The following SPATA6 variants were observed in gnomAD, a reference collection of about 807,000 sequenced individuals.
SPATA6 encodes spermatogenesis associated 6, also known as spermatogenesis-associated protein 6.
A neutral mutation model predicts 65.3 loss-of-function variants in SPATA6; 56 were observed. The ratio of observed to expected loss-of-function variants is 0.86; its 90% CI spans 0.69 to 1.07. SPATA6 has a LOEUF of 1.07. SPATA6 is among the 50% of genes least tolerant of loss of function. The pLI is 0.00. For synonymous variants in SPATA6, 199 were observed against 213.2 expected (o/e 0.93, Z 0.58); for missense variants, 590 against 594.8 (o/e 0.99, Z 0.08).
chr1:48,417,302 A>T (rs1652865808), intron 3 of SPATA6, among the ~76,000 whole-genome samples: 1 of 152,242 alleles, frequency 6.6e-6, no homozygotes, highest in Non-Finnish European at 1.5e-5. Context: ...AGCAACAATT[A>T]GAAACAATGT....
chr1:48,394,746 CTTG>C (rs1650421194), intron 8 of SPATA6, among the ~76,000 whole-genome samples: 1 of 151,868 alleles, frequency 6.6e-6, no homozygotes. Flanking sequence ...CTAGGGAATA[CTTG>C]TTGAACTCAC....
chr1:48,416,185 C>A (rs111565541), intron 3 of SPATA6, among the ~76,000 whole-genome samples: 1 of 151,946 alleles, frequency 6.6e-6, no homozygotes, highest in Non-Finnish European at 1.5e-5. Context: ...CTGGGTGAAG[C>A]AGCGAGACTC....
downstream of SPATA6, among the ~76,000 whole-genome samples, chr1:48,293,359 TTTG>T (rs1040789749): frequency 6.6e-4 from 101 of 152,252 alleles, no homozygotes; most frequent in African/African-American, 2.2e-3. Flanking sequence ...TATTCTTGTT[TTTG>T]TTGTTGTTGT....
chr1:48,304,019 G>T (rs907550432), intron 12 of SPATA6, among the ~76,000 whole-genome samples: 5 of 152,276 alleles, frequency 3.3e-5, no homozygotes, highest in African/African-American at 9.6e-5. Flanking sequence ...GACTTCTGCT[G>T]ACAGAAACCT....
chr1:48,307,956 A>G (rs2148658984), intron 11 of SPATA6, among the ~76,000 whole-genome samples: 1 of 151,996 alleles, frequency 6.6e-6, no homozygotes, highest in East Asian at 1.9e-4. Flanking sequence ...TTTCTTTTAC[A>G]CTGAACTTAT....
the SPATA6 span, among the ~76,000 whole-genome samples, chr1:48,275,622 G>C: frequency 1.3e-5 from 2 of 152,176 alleles, no homozygotes; most frequent in African/African-American, 2.4e-5. Flanking sequence ...CATTGTTTCT[G>C]TTTCTGTGAT....
At chr1:48,347,687 G>C (rs1646408632) in intron 11 of SPATA6, among the ~76,000 whole-genome samples, 2 of 151,704 alleles carry the variant, frequency 1.3e-5, no homozygotes, top group South Asian at 4.1e-4. Context: ...CATGTAACTG[G>C]AGGTTTTAAG....
In SPATA6 at chr1:48,437,316, T is replaced by A. The variant is rs1433546498; in HGVS notation, c.238+14236A>T. The stretch of plus-strand genomic sequence containing the variant: ...CTAGGTACAAATACGAGAATTATAC[T>A]TGAAAATACAGTTGGTGCACTGGAG... On this transcript the variant is annotated intron_variant, in intron 3 of 12. Coordinates refer to ENST00000371847, the MANE Select transcript of SPATA6 (RefSeq NM_019073.4). 13 of 1,497,800 alleles carry A rather than the reference T, an allele frequency of 8.7e-6. 1 individual carries two copies. The East Asian group carries it at 2.9e-4, about 34-fold the overall frequency. The allele number at this position is 1,497,800 out of a possible 1,614,324, so 92.8% of individuals were successfully genotyped here. A position where few individuals can be genotyped will look rare whatever the true frequency, so the allele number is the denominator to read the frequency against.
intron 8 of SPATA6, among the ~76,000 whole-genome samples, chr1:48,392,212 G>A (rs1237762362): frequency 1.8e-4 from 28 of 151,964 alleles, no homozygotes; most frequent in Admixed American, 1.6e-3. Flanking sequence ...AAAATATTAC[G>A]ATCTTATATA....
At chr1:48,314,677 G>T (rs1193089839) in intron 11 of SPATA6, among the ~76,000 whole-genome samples, 1 of 152,080 alleles carries the variant, frequency 6.6e-6, no homozygotes, top group African/African-American at 2.4e-5. Flanking sequence ...CAGAAGACAA[G>T]AAATAACTAA....
intron 11 of SPATA6, chr1:48,325,128 CAT>C (rs1281210138): frequency 2.0e-6 from 1 of 511,960 alleles, no homozygotes; most frequent in Non-Finnish European, 3.6e-6. Context: ...GCCTCTTTTG[CAT>C]ACTTATTCTT....
At chr1:48,280,884 A>G in the SPATA6 span, among the ~76,000 whole-genome samples, 22 of 152,326 alleles carry the variant, frequency 1.4e-4, no homozygotes, top group Admixed American at 1.4e-3. Flanking sequence ...CAACCAAAAA[A>G]GAGAATTTTA....
intron 11 of SPATA6, among the ~76,000 whole-genome samples, chr1:48,307,617 A>G (rs1277003778): frequency 6.6e-6 from 1 of 151,452 alleles, no homozygotes; most frequent in Non-Finnish European, 1.5e-5. Context: ...ATTTTAAGTA[A>G]TATAATGTGA....
At chr1:48,435,845 G>A in intron 3 of SPATA6, 3 of 1,061,812 alleles carry the variant, frequency 2.8e-6, no homozygotes, top group East Asian at 4.8e-5. Context: ...AGCCTGAAGA[G>A]AGTCGCTGGC....
At chr1:48,458,069 G>C (rs927774426) in intron 1 of SPATA6, among the ~76,000 whole-genome samples, 4 of 149,844 alleles carry the variant, frequency 2.7e-5, no homozygotes, top group African/African-American at 9.9e-5. Context: ...TATAAATTAA[G>C]ATGCTAATTG....
chr1:48,437,090 A>C (rs1655007842), intron 3 of SPATA6: 4 of 1,598,514 alleles, frequency 2.5e-6, no homozygotes, highest in Non-Finnish European at 3.4e-6. Flanking sequence ...ATGAAAGAAG[A>C]AAGCCAGGAT....
intron 7 of SPATA6, among the ~76,000 whole-genome samples, chr1:48,398,104 A>G (rs1310902767): frequency 6.6e-6 from 1 of 151,672 alleles, no homozygotes; most frequent in Non-Finnish European, 1.5e-5. Context: ...TAAAACTGTC[A>G]CCAAATATGC....
intron 1 of SPATA6, among the ~76,000 whole-genome samples, chr1:48,465,721 C>A (rs1657759104): frequency 6.6e-6 from 1 of 152,054 alleles, no homozygotes; most frequent in African/African-American, 2.4e-5. Flanking sequence ...TGATAAACAT[C>A]CCACACTAGC....
At chr1:48,470,312 A>T (rs955293864) in intron 1 of SPATA6, among the ~76,000 whole-genome samples, 8 of 152,208 alleles carry the variant, frequency 5.3e-5, no homozygotes, top group Admixed American at 5.2e-4. Flanking sequence ...GCTAAACACC[A>T]TTAGTTGGCA....
Sources: allele counts gnomAD v4.1 joint callset (sites outside exome capture counted in the v4.1 genomes callset), GRCh38; gene constraint gnomAD v4.1.1; transcripts MANE v1.5; gene names NCBI Gene and HGNC (gene_info 2026-07-23, HGNC 2026-07-21).